EIF2S2: variants seen among roughly 807,000 people sequenced by gnomAD.
EIF2S2 encodes eukaryotic translation initiation factor 2 subunit 2.
EIF2S2 carries 4 observed loss-of-function variants against 44.0 expected under a neutral mutation model. That is an observed-to-expected ratio of 0.09 (90% CI 0.04 to 0.21). The LOEUF (loss-of-function observed/expected upper bound fraction) is 0.21, where lower values mean the gene tolerates loss of function less well. Among genes scored for constraint, EIF2S2 ranks in the 10% least tolerant of loss-of-function variants. The pLI, the probability that EIF2S2 is intolerant of heterozygous loss-of-function variation, is 1.00. For missense variants in EIF2S2, 154 were observed against 392.0 expected, an observed-to-expected ratio of 0.39 and a Z score of 5.13; for synonymous variants, 108 against 128.3, an observed-to-expected ratio of 0.84 and a Z score of 1.07.
intron 1 of EIF2S2, among the ~76,000 whole-genome samples, chr20:34,106,367 C>G (rs1482823691): frequency 6.6e-6 from 1 of 151,774 alleles, no homozygotes; most frequent in Non-Finnish European, 1.5e-5. Context: ...TAGCAAATCT[C>G]TGAGTAAGAG....
chr20:34,098,065 G>C (rs1269551342), intron 4 of EIF2S2, among the ~76,000 whole-genome samples: 1 of 152,100 alleles, frequency 6.6e-6, no homozygotes, highest in Non-Finnish European at 1.5e-5. Context: ...GACCAACATG[G>C]AGAAACTCCC....
At chr20:34,110,087 A>G (rs2034395485) in intron 1 of EIF2S2, among the ~76,000 whole-genome samples, 1 of 115,802 alleles carries the variant, frequency 8.6e-6, no homozygotes, top group Admixed American at 9.2e-5. Context: ...ACAGTGCGAA[A>G]TTCCATCTCA....
chr20:34,099,082 G>A (rs537236599), intron 3 of EIF2S2, among the ~76,000 whole-genome samples: 30 of 152,178 alleles, frequency 2.0e-4, no homozygotes, highest in Admixed American at 8.5e-4. Context: ...TCAGAATCAC[G>A]GCAGAGGCCA....
chr20:34,105,301 A>G, intron 2 of EIF2S2, 67 bp downstream of exon 2: 2 of 1,558,854 alleles, frequency 1.3e-6, no homozygotes, highest in Non-Finnish European at 1.7e-6. Context: ...TGCATATCCA[A>G]AAGCCAAAAC....
chr20:34,110,690 TTG>T (rs1355979022), intron 1 of EIF2S2, among the ~76,000 whole-genome samples: 1 of 152,224 alleles, frequency 6.6e-6, no homozygotes, highest in African/African-American at 2.4e-5. Flanking sequence ...TATTTCTACC[TTG>T]TGTGTCATCT....
chr20:34,101,439 TA>T (rs1433222297), intron 3 of EIF2S2, among the ~76,000 whole-genome samples: 2 of 151,930 alleles, frequency 1.3e-5, no homozygotes, highest in Non-Finnish European at 2.9e-5. Flanking sequence ...TTGTCTCAAA[TA>T]AATAAGTAAA....
intron 3 of EIF2S2, among the ~76,000 whole-genome samples, chr20:34,099,363 A>G (rs78540132): frequency 6.9e-6 from 1 of 145,594 alleles, no homozygotes; most frequent in South Asian, 2.1e-4. Flanking sequence ...GTCTCAAAGA[A>G]AAAAAAAAAA....
intron 8 of EIF2S2, 146 bp from the exon 9 acceptor site, chr20:34,090,051 G>C: frequency 2.5e-6 from 2 of 815,422 alleles, no homozygotes; most frequent in Admixed American, 2.8e-5. Context: ...GCAGCTATTC[G>C]AGGGGTAAGA....
intron 1 of EIF2S2, among the ~76,000 whole-genome samples, chr20:34,109,315 C>T (rs540897787): frequency 4.7e-4 from 72 of 152,170 alleles, no homozygotes; most frequent in African/African-American, 1.7e-3. Flanking sequence ...AACAAATAGT[C>T]TGAAAATTAC....
intron 1 of EIF2S2, among the ~76,000 whole-genome samples, chr20:34,107,761 A>G (rs2034365774): frequency 6.6e-6 from 1 of 152,328 alleles, no homozygotes; most frequent in South Asian, 2.1e-4. Flanking sequence ...AGTCTGTAAT[A>G]AGGTAATACA....
rs2034340056 is a variant in EIF2S2, at chr20:34,105,560, A to G, written c.16-15T>C. On this transcript the variant is annotated splice_polypyrimidine_tract_variant and intron_variant, in intron 1 of 8. Transcript: ENST00000374980. Reference sequence around the variant, plus strand: ...TCAAAAATCATCTGTTTAAAAGACAAAAAACAAAAAGGGACCAAATGATTG... The same window carrying G: ...TCAAAAATCATCTGTTTAAAAGACAGAAAACAAAAAGGGACCAAATGATTG... The G allele has an allele frequency of 2.6e-6, 4 of 1,532,784 alleles. No individual in the cohort carries two copies. The Admixed American group carries it at 7.0e-5, about 27-fold the overall frequency. 94.9% of individuals were successfully genotyped at this position (1,532,784 alleles called of 1,614,324 possible).
intron 6 of EIF2S2, among the ~76,000 whole-genome samples, chr20:34,095,606 C>G (rs1339681852): frequency 6.6e-5 from 10 of 152,180 alleles, no homozygotes; most frequent in Non-Finnish European, 1.5e-5. Flanking sequence ...GCTACTGCGC[C>G]CAGCAGTTAT....
intron 4 of EIF2S2, 62 bp from the exon 5 acceptor site, chr20:34,097,578 G>A: frequency 7.3e-7 from 1 of 1,362,688 alleles, no homozygotes; most frequent in Non-Finnish European, 1.0e-6. Flanking sequence ...AAAGTGGGGT[G>A]GGTCTAGAGA....
intron 1 of EIF2S2, chr20:34,108,061 A>G (rs761731114): frequency 2.0e-5 from 3 of 152,214 alleles, no homozygotes; most frequent in Non-Finnish European, 4.4e-5. Flanking sequence ...AACTCTAGAC[A>G]CTATAAATTT....
At position 34,109,591 on chromosome 20, in the gene EIF2S2, C is replaced by CA. The variant is rs1377545148; in HGVS notation, c.15+2504dup. 8.6e-5 allele frequency among the ~76,000 whole-genome samples: 13 copies of CA among 151,988 alleles called. No homozygotes were observed. In the East Asian group the frequency reaches 2.3e-3, roughly 27 times the overall value. On this transcript the variant is annotated intron_variant, in intron 1 of 8. Transcript: ENST00000374980. ...AGGAGGATCCCCTGAGCCCAGGTGA[C>CA]AGAGGCCACAGTGAGCTATGATTGT...
intron 8 of EIF2S2, 67 bp from the exon 9 acceptor site, chr20:34,089,972 T>C: frequency 6.5e-7 from 1 of 1,540,426 alleles, no homozygotes; most frequent in Non-Finnish European, 8.9e-7. Context: ...TCTGCCTTCT[T>C]AAATACATCT....
In EIF2S2 at chr20:34,090,164, G is replaced by A. The variant is rs541458457; in HGVS notation, c.827-259C>T. On this transcript the variant is annotated intron_variant, in intron 8 of 8. Coordinates refer to ENST00000374980, the MANE Select transcript of EIF2S2 (RefSeq NM_003908.5). Reference sequence around the variant, plus strand: ...TGCCAGCTTGCTTATTCTCGTTTCTGTCTAGAGGAGAGCCACTCAAACATG... The same window carrying A: ...TGCCAGCTTGCTTATTCTCGTTTCTATCTAGAGGAGAGCCACTCAAACATG... 7.9e-5 allele frequency among the ~76,000 whole-genome samples: 12 copies of A among 152,322 alleles called. 1 individual carries two copies. In the South Asian group the frequency reaches 2.3e-3, roughly 29 times the overall value.
At position 34,095,198 on chromosome 20, in the gene EIF2S2, C is replaced by T. The variant is rs1328067681; in HGVS notation, c.683+1459G>A. 2.6e-5 allele frequency among the ~76,000 whole-genome samples: 4 copies of T among 151,968 alleles called. No homozygotes were observed. In the East Asian group the frequency reaches 5.8e-4, roughly 22 times the overall value. On this transcript the variant is annotated intron_variant, in intron 6 of 8. Coordinates refer to ENST00000374980, the MANE Select transcript of EIF2S2 (RefSeq NM_003908.5). Reference sequence around the variant, plus strand: ...ACTAATGACATGAGTAAAACTTTCACAATATATTGAGAAAATAGGTTAAAA... The same window carrying T: ...ACTAATGACATGAGTAAAACTTTCATAATATATTGAGAAAATAGGTTAAAA...
At chr20:34,090,005 G>A (rs2034144541) in intron 8 of EIF2S2, 100 bp from the exon 9 acceptor site, 1 of 1,342,288 alleles carries the variant, frequency 7.4e-7, no homozygotes, top group Non-Finnish European at 1.0e-6. Context: ...ACAAGCCCAG[G>A]CTGAGAATTT....
Sources: gnomAD v4.1 joint callset for allele counts (sites outside exome capture counted in the v4.1 genomes callset) on GRCh38, gnomAD v4.1.1 for gene constraint, MANE v1.5 for transcripts, NCBI Gene and HGNC (gene_info 2026-07-23, HGNC 2026-07-21) for gene names.